Variants in USP32 observed in about 807,000 individuals in gnomAD.
USP32 encodes ubiquitin specific peptidase 32.
Under a neutral mutation model 204.8 loss-of-function variants are expected in USP32, and 59 were observed. That is an observed-to-expected ratio of 0.29 (90% confidence interval 0.23 to 0.36). USP32 has a LOEUF of 0.36. USP32 is among the 10% of genes least tolerant of loss of function. USP32 has a pLI of 1.00. For synonymous variants in USP32, 517 were observed against 678.4 expected, an observed-to-expected ratio of 0.76 and a Z score of 3.70; for missense variants, 1,160 against 1,946.4, an observed-to-expected ratio of 0.60 and a Z score of 7.60.
upstream of USP32, among the ~76,000 whole-genome samples, chr17:60,394,782 C>T (rs974926386): frequency 2.0e-5 from 3 of 152,010 alleles, no homozygotes; most frequent in East Asian, 3.8e-4. Flanking sequence ...CTTGCTCTGT[C>T]GCCCAGGCTG....
chr17:60,361,661 A>G (rs112501199), intron 1 of USP32, among the ~76,000 whole-genome samples: 149 of 152,216 alleles, frequency 9.8e-4, no homozygotes, highest in African/African-American at 3.1e-3. Context: ...CTACAATTCA[A>G]CTTTTTAAAA....
intron 16 of USP32, among the ~76,000 whole-genome samples, chr17:60,218,268 C>T (rs185745057): frequency 6.6e-6 from 1 of 152,048 alleles, no homozygotes; most frequent in Non-Finnish European, 1.5e-5. Context: ...CCTGTAGTCC[C>T]AGCTACTCAG....
chr17:60,237,413 A>T (rs1225357221), intron 11 of USP32, among the ~76,000 whole-genome samples: 1 of 151,776 alleles, frequency 6.6e-6, no homozygotes, highest in East Asian at 1.9e-4. Context: ...ACTGTGCCCA[A>T]CCAAAAACTA....
intron 7 of USP32, among the ~76,000 whole-genome samples, chr17:60,268,873 C>T (rs1359510873): frequency 6.6e-6 from 1 of 152,034 alleles, no homozygotes; most frequent in Non-Finnish European, 1.5e-5. Context: ...GAGATAATGA[C>T]CCCAGTAAAT....
intron 1 of USP32, among the ~76,000 whole-genome samples, chr17:60,413,791 G>A (rs1301477041): frequency 7.3e-5 from 11 of 150,412 alleles, no homozygotes; most frequent in Admixed American, 6.7e-4. Context: ...CTTGAACCCA[G>A]GAGGCGGAGG....
At chr17:60,245,107 G>A (rs1167563351) in intron 11 of USP32, among the ~76,000 whole-genome samples, 1 of 152,144 alleles carries the variant, frequency 6.6e-6, no homozygotes, top group Non-Finnish European at 1.5e-5. Flanking sequence ...GAACAACATG[G>A]TTTTATAATT....
intron 2 of USP32, among the ~76,000 whole-genome samples, chr17:60,309,373 G>A (rs570466888): frequency 2.2e-4 from 34 of 152,268 alleles, no homozygotes; most frequent in South Asian, 2.1e-3. Context: ...GCTGACACAG[G>A]CGGATAACTT....
chr17:60,364,360 C>A lies in USP32; in HGVS notation c.59-18752G>T, dbSNP rs115986435. Among the ~76,000 whole-genome samples the A allele has an allele frequency of 2.5e-3, 375 of 152,232 alleles. 2 individuals carry two copies. Among genetic ancestry groups the A allele is most frequent in the African/African-American group, 8.4e-3 (350 of 41,550 alleles). On this transcript the variant is annotated intron_variant, in intron 1 of 33. Coordinates refer to ENST00000300896, the MANE Select transcript of USP32 (RefSeq NM_032582.4). ...AGATCACAGCACCTGCTAAGCCAAT[C>A]ATATTTATTTGGTTTTTGAGGGGTT...
intron 2 of USP32, among the ~76,000 whole-genome samples, chr17:60,340,708 CATT>C (rs1716693494): frequency 6.6e-6 from 1 of 152,156 alleles, no homozygotes; most frequent in Admixed American, 6.5e-5. Flanking sequence ...TTGATCCTGT[CATT>C]ATGATGTTAG....
intron 1 of USP32, among the ~76,000 whole-genome samples, chr17:60,383,949 G>A (rs1226515030): frequency 1.3e-5 from 2 of 152,196 alleles, no homozygotes; most frequent in Non-Finnish European, 2.9e-5. Flanking sequence ...TGTGAAACTA[G>A]GAAACTACTG....
At chr17:60,220,063 C>G (rs1265186444) in intron 15 of USP32, among the ~76,000 whole-genome samples, 1 of 151,488 alleles carries the variant, frequency 6.6e-6, no homozygotes, top group Non-Finnish European at 1.5e-5. Flanking sequence ...AAAAAAAACC[C>G]TAAGTATTAT....
At chr17:60,224,752 CA>C (rs2085340183) in intron 13 of USP32, among the ~76,000 whole-genome samples, 1 of 152,212 alleles carries the variant, frequency 6.6e-6, no homozygotes, top group Non-Finnish European at 1.5e-5. Flanking sequence ...CATTGCACTA[CA>C]GCCTGGGCAA....
chr17:60,286,340 A>T (rs749463207), intron 5 of USP32, among the ~76,000 whole-genome samples: 3 of 152,186 alleles, frequency 2.0e-5, no homozygotes, highest in African/African-American at 4.8e-5. Flanking sequence ...ATCTTGAGGT[A>T]AAATTATCCT....
At chr17:60,302,041 T>C (rs1045023830) in intron 2 of USP32, among the ~76,000 whole-genome samples, 4 of 152,214 alleles carry the variant, frequency 2.6e-5, no homozygotes, top group Non-Finnish European at 4.4e-5. Context: ...AAATCTGATT[T>C]GCACTAGATG....
intron 1 of USP32, among the ~76,000 whole-genome samples, chr17:60,357,540 T>A (rs925053112): frequency 2.0e-4 from 31 of 152,172 alleles, no homozygotes; most frequent in African/African-American, 6.0e-4. Context: ...AAAATAAAAA[T>A]ATATATATGT....
chr17:60,226,044 C>G lies in USP32; in HGVS notation c.1427G>C (p.Gly476Ala), dbSNP rs2085378956. 1.3e-6 allele frequency: 2 copies of G among 1,599,416 alleles called. No individual in the cohort carries two copies. Among genetic ancestry groups the G allele is most frequent in the African/African-American group, 1.4e-5 (1 of 73,922 alleles). ...GGGGAATAGGTCATATTTACCGCTG[C>G]CAGCAGTTTCTGAGGCTTCAGATGC... The part of the protein sequence containing the change: ...STASEASETA[G>A]SGFLYSATPG... Residue 476 changes from glycine (G) to alanine (A), a missense_variant, in exon 13 of 34, where the codon GGC becomes GCC. By Grantham distance (60) the Gly-to-Ala change is moderately conservative. This residue lies in a region of USP32 where 536 missense variants were observed against 680.9 expected (regional missense o/e 0.79). Transcript: ENST00000300896.
chr17:60,253,095 T>C (rs533750347), intron 10 of USP32, among the ~76,000 whole-genome samples: 2 of 137,156 alleles, frequency 1.5e-5, no homozygotes, highest in East Asian at 1.9e-4. Context: ...AAATATAAAG[T>C]ATATGTTTAT....
intron 2 of USP32, among the ~76,000 whole-genome samples, chr17:60,306,279 G>T (rs1046668617): frequency 6.6e-6 from 1 of 152,152 alleles, no homozygotes. Context: ...TTTTTGAAAA[G>T]CACTTAATAA....
chr17:60,234,014 A>G (rs1419084629), intron 12 of USP32, among the ~76,000 whole-genome samples: 2 of 152,014 alleles, frequency 1.3e-5, no homozygotes, highest in East Asian at 3.9e-4. Flanking sequence ...TAGTGGTGTG[A>G]TCATGGCTCA....
Sources: gnomAD v4.1 joint callset for allele counts (sites outside exome capture counted in the v4.1 genomes callset) on GRCh38, gnomAD v4.1.1 for gene constraint, gnomAD v4.1.1 regional missense constraint, MANE v1.5 for transcripts, NCBI Gene and HGNC (gene_info 2026-07-23, HGNC 2026-07-21) for gene names.